RHBDD1: variants seen among roughly 807,000 people sequenced by gnomAD.
RHBDD1 encodes the protein rhomboid-related protein 4.
Under a neutral mutation model 36.3 loss-of-function variants are expected in RHBDD1, and 38 were observed. That is an observed-to-expected ratio of 1.05 (90% CI 0.81 to 1.37). The LOEUF (loss-of-function observed/expected upper bound fraction) is 1.37, where lower values mean the gene tolerates loss of function less well. RHBDD1 is among the 40% of genes most tolerant of loss of function. The pLI, the probability that RHBDD1 is intolerant of heterozygous loss-of-function variation, is 0.00. For missense variants in RHBDD1, 393 were observed against 377.6 expected (o/e 1.04, Z -0.34); for synonymous variants, 151 against 136.5 (o/e 1.11, Z -0.74).
intron 5 of RHBDD1, among the ~76,000 whole-genome samples, chr2:226,898,379 G>A (rs1190092527): frequency 6.6e-6 from 1 of 152,166 alleles, no homozygotes; most frequent in Admixed American, 6.5e-5. Context: ...TTTTTGTCTG[G>A]ACCTCAAGTA....
intron 3 of RHBDD1, among the ~76,000 whole-genome samples, chr2:226,851,751 T>C (rs1490242686): frequency 6.6e-6 from 1 of 152,130 alleles, no homozygotes; most frequent in African/African-American, 2.4e-5. Context: ...GCCTTTTTGT[T>C]GTTGTTGCTA....
At chr2:226,877,550 CTTTTTTTTTTT>C (rs80311532) in intron 5 of RHBDD1, among the ~76,000 whole-genome samples, 4 of 120,804 alleles carry the variant, frequency 3.3e-5, no homozygotes, top group Admixed American at 2.5e-4. Context: ...AGCCATTTTC[CTTTTTTTTTTT>C]TTTTTTTTTA....
At chr2:226,837,045 C>G (rs1057070719) in intron 1 of RHBDD1, among the ~76,000 whole-genome samples, 1 of 152,190 alleles carries the variant, frequency 6.6e-6, no homozygotes, top group East Asian at 1.9e-4. Flanking sequence ...TTTTAACAAG[C>G]CTTCCAGTTG....
chr2:226,806,541 G>GT, the RHBDD1 span, among the ~76,000 whole-genome samples: 40 of 152,182 alleles, frequency 2.6e-4, no homozygotes, highest in African/African-American at 9.2e-4. Context: ...TTGGTCAATA[G>GT]TTTTTCTGAA....
At chr2:226,967,024 G>T (rs1952690492) in intron 8 of RHBDD1, among the ~76,000 whole-genome samples, 1 of 152,074 alleles carries the variant, frequency 6.6e-6, no homozygotes, top group Admixed American at 6.6e-5. Context: ...CAGAGTTCAT[G>T]ATTTAGTTGT....
intron 8 of RHBDD1, among the ~76,000 whole-genome samples, chr2:226,916,230 G>A (rs1459998537): frequency 6.6e-6 from 1 of 152,186 alleles, no homozygotes; most frequent in Admixed American, 6.5e-5. Context: ...TGGAGGAACC[G>A]CAAAGTCACA....
rs139391430 is a variant in RHBDD1, at chr2:226,995,818, G to A, written c.*296G>A. On this transcript the variant is annotated 3_prime_UTR_variant, in exon 9 of 9. Coordinates refer to ENST00000392062, the MANE Select transcript of RHBDD1 (RefSeq NM_001167608.3). ...GCTGACTCAGCGATGCCTCTGCCTC[G>A]GTCTGCTTTTGAAGACTGTGACCTT... 30 of 380,728 alleles carry A rather than the reference G, an allele frequency of 7.9e-5. No homozygotes were observed. The highest frequency in any genetic ancestry group is 4.0e-4 in the East Asian group (8 of 20,228). The allele number at this position is 380,728 out of a possible 1,614,324, so 23.6% of individuals were successfully genotyped here.
At chr2:226,855,325 C>G (rs958254892) in intron 3 of RHBDD1, among the ~76,000 whole-genome samples, 2 of 152,132 alleles carry the variant, frequency 1.3e-5, no homozygotes, top group Admixed American at 1.3e-4. Flanking sequence ...CTGGACAACA[C>G]AGCAAGACCC....
At chr2:226,928,651 G>A (rs752300083) in intron 8 of RHBDD1, among the ~76,000 whole-genome samples, 1 of 151,910 alleles carries the variant, frequency 6.6e-6, no homozygotes, top group South Asian at 2.1e-4. Flanking sequence ...AAATAACAAA[G>A]ATCAGAGCAG....
At chr2:226,816,375 CAAA>C in the RHBDD1 span, among the ~76,000 whole-genome samples, 612 of 64,940 alleles carry the variant, frequency 9.4e-3, 4 homozygotes, top group African/African-American at 0.027. Flanking sequence ...GGAATGGTGG[CAAA>C]AAAAAAAAAA....
At chr2:226,928,629 G>GAAGAAGAAAAAA (rs1428664842) in intron 8 of RHBDD1, among the ~76,000 whole-genome samples, 3 of 151,448 alleles carry the variant, frequency 2.0e-5, no homozygotes, top group Non-Finnish European at 4.4e-5. Context: ...CCTAAAGCTA[G>GAAGAAGAAAAAA]AAGAAGAAAA....
Position 226,864,863 on chromosome 2 carries a change from A to G in RHBDD1, c.170A>G (p.Glu57Gly), listed in dbSNP as rs745862488. Residue 57 changes from glutamate to glycine, a missense_variant, in exon 4 of 9, where the codon GAG (glutamate) becomes GGG (glycine). Physicochemically the swap from Glu to Gly is moderately conservative, Grantham distance 98. Coordinates refer to ENST00000392062, the MANE Select transcript of RHBDD1 (RefSeq NM_001167608.3). ...CTGTATAGCTCCTGCCTTAGTGTGGAGAAGTGTTACCAGCAAAAAGACTGG... is the reference window on the plus strand; with the variant it reads ...CTGTATAGCTCCTGCCTTAGTGTGGGGAAGTGTTACCAGCAAAAAGACTGG... ...KPLYSSCLSVEKCYQQKDWQR... is the reference protein window; with the variant it reads ...KPLYSSCLSVGKCYQQKDWQR... The G allele has an allele frequency of 6.2e-7, 1 of 1,614,072 alleles. No homozygotes were observed. Among genetic ancestry groups the G allele is most frequent in the African/African-American group, 1.3e-5 (1 of 74,930 alleles).
chr2:226,915,406 C>T (rs1031244229), intron 8 of RHBDD1, among the ~76,000 whole-genome samples: 14 of 152,024 alleles, frequency 9.2e-5, no homozygotes, highest in African/African-American at 2.4e-4. Context: ...AGGCTGGGTC[C>T]GGATCGCAGG....
intron 8 of RHBDD1, among the ~76,000 whole-genome samples, chr2:226,949,770 G>T (rs1022458792): frequency 6.6e-6 from 1 of 152,076 alleles, no homozygotes. Context: ...TCCTGAGGCT[G>T]CTCTCCTTGG....
chr2:226,959,885 C>T (rs1243695081), intron 8 of RHBDD1, among the ~76,000 whole-genome samples: 5 of 151,912 alleles, frequency 3.3e-5, no homozygotes, highest in Non-Finnish European at 7.4e-5. Context: ...TGCAGTGGCG[C>T]GATCTCGGCT....
intron 8 of RHBDD1, among the ~76,000 whole-genome samples, chr2:226,956,793 A>G (rs1471395210): frequency 6.6e-6 from 1 of 152,250 alleles, no homozygotes; most frequent in Non-Finnish European, 1.5e-5. Context: ...AATCCTAAGC[A>G]TGACACAGAG....
the RHBDD1 span, among the ~76,000 whole-genome samples, chr2:226,803,465 G>A: frequency 3.3e-5 from 5 of 152,090 alleles, no homozygotes; most frequent in African/African-American, 1.2e-4. Context: ...CAGATAAATG[G>A]CAATTATTTT....
intron 8 of RHBDD1, among the ~76,000 whole-genome samples, chr2:226,945,466 A>G (rs1355216243): frequency 6.6e-6 from 1 of 152,068 alleles, no homozygotes; most frequent in Admixed American, 6.5e-5. Context: ...AGCTTCATCC[A>G]TGTCCCTGCA....
At chr2:226,823,475 C>G in the RHBDD1 span, among the ~76,000 whole-genome samples, 2 of 152,198 alleles carry the variant, frequency 1.3e-5, no homozygotes, top group African/African-American at 4.8e-5. Flanking sequence ...CACTTGAATA[C>G]TGCCAACTTA....
Sources: gnomAD v4.1 joint callset for allele counts (sites outside exome capture counted in the v4.1 genomes callset) on GRCh38, gnomAD v4.1.1 for gene constraint, MANE v1.5 for transcripts, NCBI Gene and HGNC (gene_info 2026-07-23, HGNC 2026-07-21) for gene names.